SHISA5: variants seen among roughly 807,000 people sequenced by gnomAD.
SHISA5 encodes protein shisa-5.
In SHISA5, 21 loss-of-function variants were observed where a neutral mutation model predicts 27.5. The observed-to-expected ratio is 0.76, with a 90% confidence interval of 0.54 to 1.10. The LOEUF (loss-of-function observed/expected upper bound fraction) is 1.10. Ranked by LOEUF, SHISA5 falls within the 50% of genes least tolerant of loss-of-function variation. The pLI is 0.00. For synonymous variants in SHISA5, 137 were observed against 142.2 expected (o/e 0.96, Z 0.26); for missense variants, 314 against 336.3 (o/e 0.93, Z 0.52).
chr3:48,489,056 C>T (rs1229125673), intron 2 of SHISA5, among the ~76,000 whole-genome samples: 1 of 152,134 alleles, frequency 6.6e-6, no homozygotes, highest in Non-Finnish European at 1.5e-5. Context: ...TGAAGGAAGG[C>T]TGTCGGACAT....
intron 2 of SHISA5, among the ~76,000 whole-genome samples, chr3:48,487,274 T>G (rs1220712947): frequency 6.6e-6 from 1 of 152,200 alleles, no homozygotes; most frequent in African/African-American, 2.4e-5. Flanking sequence ...ATGAGCCCTG[T>G]CTATGCCTCC....
intron 2 of SHISA5, among the ~76,000 whole-genome samples, chr3:48,484,325 G>A (rs373213084): frequency 6.6e-6 from 1 of 152,218 alleles, no homozygotes; most frequent in East Asian, 1.9e-4. Context: ...GCTGGGTGCG[G>A]TGGCTCATGC....
At chr3:48,483,699 C>T (rs1351205494) in intron 2 of SHISA5, among the ~76,000 whole-genome samples, 9 of 150,486 alleles carry the variant, frequency 6.0e-5, no homozygotes, top group Admixed American at 1.3e-4. Flanking sequence ...CCGGACGGGG[C>T]GGCTGGCCGG....
chr3:48,469,985 G>T lies in SHISA5; in HGVS notation c.315-142C>A. The T allele has an allele frequency of 9.7e-7, 1 of 1,034,464 alleles. No homozygotes were observed. Among genetic ancestry groups the T allele is most frequent in the Non-Finnish European group, 1.4e-6 (1 of 713,814 alleles). The allele number at this position is 1,034,464 out of a possible 1,614,324, so 64.1% of individuals were successfully genotyped here. ...CTTCCTTGTCGGGTGGCCTGCACCT[G>T]TTTCAATCTGTTTCCTCTTGTGTAA... is the stretch of plus-strand genomic sequence containing the variant. On this transcript the variant is annotated intron_variant, in intron 3 of 5. Transcript: ENST00000296444. The surrounding 1 kb of genome is among the most constrained non-coding windows in gnomAD (Gnocchi z 4.6).
chr3:48,487,431 T>C (rs539040375), intron 2 of SHISA5, among the ~76,000 whole-genome samples: 61 of 152,322 alleles, frequency 4.0e-4, no homozygotes, highest in Non-Finnish European at 6.5e-4. Context: ...AAATACACAG[T>C]TTGTATGTTT....
At chr3:48,495,047 T>C (rs917736877) in intron 2 of SHISA5, among the ~76,000 whole-genome samples, 44 of 145,680 alleles carry the variant, frequency 3.0e-4, no homozygotes, top group Non-Finnish European at 5.8e-4. Flanking sequence ...GCTCAAGCGA[T>C]CCTCCTACCT....
chr3:48,494,540 C>T (rs1033235490), intron 2 of SHISA5, among the ~76,000 whole-genome samples: 1 of 147,410 alleles, frequency 6.8e-6, no homozygotes, highest in Non-Finnish European at 1.5e-5. Flanking sequence ...TGATCCACCC[C>T]CCCTTGGCCT....
At chr3:48,480,762 AAAT>A (rs887287484) in intron 2 of SHISA5, among the ~76,000 whole-genome samples, 7 of 152,138 alleles carry the variant, frequency 4.6e-5, no homozygotes, top group African/African-American at 7.2e-5. Context: ...CAAATGTCAA[AAAT>A]AATAATAATT....
In SHISA5 at chr3:48,504,046, G is replaced by C. The variant is rs1442808979; in HGVS notation, c.49C>G (p.Leu17Val). ...CCCGGAGGCGGCGTTAGCAGCAGCA[G>C]CAACAGCAACGGCAACAGGATCCGC... ...APRILLPLLLLLLLTPPPGAR... is the reference protein window; with the variant it reads ...APRILLPLLLVLLLTPPPGAR... The change falls in exon 1 of 6, where the codon CTG (leucine) becomes GTG (valine). Residue 17 changes from leucine (L) to valine (V), a missense_variant. By Grantham distance (32) the Leu-to-Val change is conservative (BLOSUM62 1). Transcript: ENST00000296444. This position sits in a 1 kb window ranked among gnomAD's most constrained non-coding sequence, Gnocchi z 4.0. 3 of 1,461,366 alleles carry C rather than the reference G, an allele frequency of 2.1e-6. No homozygotes were observed. Among genetic ancestry groups the C allele is most frequent in the South Asian group, 1.3e-5 (1 of 75,398 alleles). 90.5% of individuals were successfully genotyped at this position (1,461,366 alleles called of 1,614,324 possible).
At chr3:48,482,505 G>A (rs1237492928) in intron 2 of SHISA5, among the ~76,000 whole-genome samples, 1 of 152,202 alleles carries the variant, frequency 6.6e-6, no homozygotes, top group Non-Finnish European at 1.5e-5. Flanking sequence ...GGAGGCAACT[G>A]AACACAGTAT....
rs924409585 is a variant in SHISA5 at position 48,492,491 on chromosome 3, T to C, written c.233+8646A>G. ...TCTCATAAGAAAAAAAAGAGGTAAT[T>C]AGGTTTAGATGAGATCATGAGGGTG... is the stretch of plus-strand genomic sequence containing the variant. On this transcript the variant is annotated intron_variant, in intron 2 of 5. Coordinates refer to ENST00000296444, the MANE Select transcript of SHISA5 (RefSeq NM_016479.6). 7.5e-5 allele frequency among the ~76,000 whole-genome samples: 11 copies of C among 147,364 alleles called. 2 individuals are homozygous for C. Among genetic ancestry groups the C allele is most frequent in the African/African-American group, 3.0e-4 (11 of 37,278 alleles).
intron 3 of SHISA5, among the ~76,000 whole-genome samples, chr3:48,477,586 C>A (rs1473655473): frequency 6.6e-6 from 1 of 152,152 alleles, no homozygotes; most frequent in East Asian, 1.9e-4. Flanking sequence ...CTGTCTTACT[C>A]CTCATCCATT....
intron 3 of SHISA5, among the ~76,000 whole-genome samples, chr3:48,474,679 C>T (rs184851269): frequency 3.4e-4 from 51 of 152,224 alleles, no homozygotes; most frequent in Non-Finnish European, 6.0e-4. Context: ...CTATTAGGCC[C>T]ACAAAGCCAT....
At chr3:48,504,232 G>T (rs1485058194), upstream of SHISA5, 10 of 387,130 alleles carry the variant, frequency 2.6e-5, no homozygotes, top group Admixed American at 9.1e-5. The surrounding 1 kb of genome is among the most constrained non-coding windows in gnomAD (Gnocchi z 4.0). Flanking sequence ...CTGTCCGGGG[G>T]AGCAGGAGGA....
In SHISA5 at chr3:48,473,551, TC is replaced by T. The variant is rs1304099872; in HGVS notation, c.315-3709del. The T allele has an allele frequency of 1.6e-6, 2 of 1,278,876 alleles. No individual in the cohort carries two copies. Among genetic ancestry groups the T allele is most frequent in the East Asian group, 1.1e-4 (2 of 17,848 alleles). 79.2% of individuals were successfully genotyped at this position (1,278,876 alleles called of 1,614,324 possible). On this transcript the variant is annotated intron_variant, in intron 3 of 5. Transcript: ENST00000296444. The surrounding 1 kb of genome is among the most constrained non-coding windows in gnomAD (Gnocchi z 4.3). ...GCAAAGTCCAGCCTGTCCCTTTAGC[TC>T]CTCCTCTCCCACCAGCACTCTCTCC...
intron 1 of SHISA5, chr3:48,502,588 A>G: frequency 2.9e-6 from 1 of 348,244 alleles, no homozygotes; most frequent in Non-Finnish European, 5.8e-6. Flanking sequence ...GGATGACCAC[A>G]AGGTTTACAA....
At chr3:48,499,198 A>T (rs184172487) in intron 2 of SHISA5, among the ~76,000 whole-genome samples, 1 of 152,108 alleles carries the variant, frequency 6.6e-6, no homozygotes, top group East Asian at 1.9e-4. Context: ...TTTTGAGTCG[A>T]GGTCTCACTC....
At position 48,473,528 on chromosome 3, in the gene SHISA5, A is replaced by G. The variant is rs1186831192; in HGVS notation, c.315-3685T>C. ...CCTGGCTGACACACATGCAAGGAGC[A>G]AAGTCCAGCCTGTCCCTTTAGCTCC... On this transcript the variant is annotated intron_variant, in intron 3 of 5. Transcript: ENST00000296444. This position sits in a 1 kb window ranked among gnomAD's most constrained non-coding sequence, Gnocchi z 4.3. 5.4e-6 allele frequency: 7 copies of G among 1,288,530 alleles called. No individual in the cohort carries two copies. The East Asian group carries it at 3.9e-4, about 71-fold the overall frequency. The allele number at this position is 1,288,530 out of a possible 1,614,324, so 79.8% of individuals were successfully genotyped here.
intron 3 of SHISA5, among the ~76,000 whole-genome samples, chr3:48,471,569 A>AC (rs2040621719): frequency 1.8e-5 from 2 of 110,710 alleles, no homozygotes; most frequent in African/African-American, 7.4e-5. Flanking sequence ...AAAAAAAAAA[A>AC]AAAAAAAAAG....
Sources: gnomAD v4.1 joint callset for allele counts (sites outside exome capture counted in the v4.1 genomes callset) on GRCh38, gnomAD v4.1.1 for gene constraint, Gnocchi (gnomAD v3.1) non-coding constraint, MANE v1.5 for transcripts, NCBI Gene and HGNC (gene_info 2026-07-23, HGNC 2026-07-21) for gene names.